RSRC1: variants seen among roughly 807,000 people sequenced by gnomAD.
RSRC1 encodes serine/Arginine-related protein 53.
Under a neutral mutation model 49.1 loss-of-function variants are expected in RSRC1, and 39 were observed. That is an observed-to-expected ratio of 0.79 (90% CI 0.61 to 1.04). RSRC1 has a LOEUF of 1.04. RSRC1 is among the 50% of genes least tolerant of loss of function. The pLI is 0.00. For missense variants in RSRC1, 388 were observed against 402.4 expected (o/e 0.96, Z 0.31); for synonymous variants, 143 against 130.8 (o/e 1.09, Z -0.63).
intron 3 of RSRC1, among the ~76,000 whole-genome samples, chr3:158,160,051 A>G (rs1196874682): frequency 6.6e-6 from 1 of 152,142 alleles, no homozygotes; most frequent in Non-Finnish European, 1.5e-5. Flanking sequence ...CTCACACTAC[A>G]TTTGATGGGG....
At position 158,482,373 on chromosome 3, in the gene RSRC1, T is replaced by A. The variant is rs185904950; in HGVS notation, c.652+21370T>A. The stretch of plus-strand genomic sequence containing the variant: ...ATCTCTTTTGCCTGCGTAACATAAA[T>A]CTTAATCCAGCAAATATTCTTCAAC... On this transcript the variant is annotated intron_variant, in intron 7 of 9. Transcript: ENST00000611884. Among the ~76,000 whole-genome samples the A allele has an allele frequency of 5.2e-3, 787 of 152,212 alleles. 4 individuals are homozygous for A. Among genetic ancestry groups the A allele is most frequent in the Non-Finnish European group, 6.3e-3 (428 of 67,956 alleles).
At chr3:158,151,548 T>C (rs1333294222) in intron 3 of RSRC1, among the ~76,000 whole-genome samples, 1 of 152,174 alleles carries the variant, frequency 6.6e-6, no homozygotes, top group Non-Finnish European at 1.5e-5. Context: ...TTTTCCCAGA[T>C]ATGTTCAGCT....
intron 5 of RSRC1, among the ~76,000 whole-genome samples, chr3:158,316,420 T>C (rs1578326563): frequency 6.8e-6 from 1 of 146,866 alleles, no homozygotes; most frequent in East Asian, 2.1e-4. Context: ...TTCTAATCAG[T>C]CCACTGCAGA....
intron 7 of RSRC1, among the ~76,000 whole-genome samples, chr3:158,503,932 G>A (rs947836268): frequency 6.6e-6 from 1 of 152,140 alleles, no homozygotes. Flanking sequence ...AGTTCAGCTG[G>A]AAATTTCCTT....
chr3:158,177,598 A>G (rs2108247045), intron 3 of RSRC1, among the ~76,000 whole-genome samples: 1 of 151,038 alleles, frequency 6.6e-6, no homozygotes, highest in Admixed American at 6.6e-5. Context: ...CAATGAGAAC[A>G]CTTGGACACG....
chr3:158,404,603 A>G (rs901273159), intron 6 of RSRC1, among the ~76,000 whole-genome samples: 4 of 151,912 alleles, frequency 2.6e-5, no homozygotes, highest in Non-Finnish European at 5.9e-5. Flanking sequence ...ATTTACTGTA[A>G]TTAGTTTTCA....
At chr3:158,343,463 A>G (rs191706316) in intron 5 of RSRC1, among the ~76,000 whole-genome samples, 1 of 152,314 alleles carries the variant, frequency 6.6e-6, no homozygotes, top group Non-Finnish European at 1.5e-5. Context: ...GCAAGAAAAT[A>G]CACCGTATGT....
In RSRC1 at chr3:158,540,159, T is replaced by C. The variant is rs371734775; in HGVS notation, c.759+2961T>C. On this transcript the variant is annotated intron_variant, in intron 8 of 9. Coordinates refer to ENST00000611884, the MANE Select transcript of RSRC1 (RefSeq NM_001271838.2). ...AGAATATTGGGCTTTTTAAATGTTC[T>C]CAGTTGTGTAAAGGGTCAGTATAAT... 2.6e-5 allele frequency among the ~76,000 whole-genome samples: 4 copies of C among 152,236 alleles called. No individual in the cohort carries two copies. The South Asian group carries it at 8.3e-4, about 32-fold the overall frequency.
chr3:158,214,482 TA>T (rs1721849093), intron 4 of RSRC1, among the ~76,000 whole-genome samples: 1 of 151,780 alleles, frequency 6.6e-6, no homozygotes, highest in Non-Finnish European at 1.5e-5. Context: ...AGTTTATTTG[TA>T]CATGTTTTTC....
chr3:158,524,545 A>T (rs1711891061), intron 7 of RSRC1, among the ~76,000 whole-genome samples: 1 of 151,994 alleles, frequency 6.6e-6, no homozygotes, highest in Non-Finnish European at 1.5e-5. Flanking sequence ...GATTCTTTTC[A>T]AACTGATGTC....
chr3:158,380,644 A>G (rs544046312), intron 6 of RSRC1, among the ~76,000 whole-genome samples: 2 of 152,132 alleles, frequency 1.3e-5, no homozygotes, highest in South Asian at 2.1e-4. Context: ...TATATTTTAT[A>G]TGAGTTTGGT....
intron 5 of RSRC1, among the ~76,000 whole-genome samples, chr3:158,306,990 T>C (rs915245064): frequency 1.3e-5 from 2 of 151,338 alleles, no homozygotes; most frequent in African/African-American, 4.8e-5. Flanking sequence ...CAAAGTTATT[T>C]TTTTTTTAAT....
chr3:158,218,100 A>G (rs950488661), intron 4 of RSRC1, among the ~76,000 whole-genome samples: 8 of 151,678 alleles, frequency 5.3e-5, no homozygotes, highest in Non-Finnish European at 1.2e-4. Context: ...GGCCGGAGAA[A>G]CAGATAGGGG....
chr3:158,450,573 C>G (rs1239438266), intron 6 of RSRC1, among the ~76,000 whole-genome samples: 1 of 151,814 alleles, frequency 6.6e-6, no homozygotes, highest in Non-Finnish European at 1.5e-5. Flanking sequence ...GATTTCACTT[C>G]TGTGCTGTGC....
intron 6 of RSRC1, among the ~76,000 whole-genome samples, chr3:158,407,198 A>G (rs1734198603): frequency 1.3e-5 from 2 of 152,186 alleles, no homozygotes; most frequent in Non-Finnish European, 2.9e-5. Context: ...TCCTGTTGTC[A>G]AAATAAGAAT....
At chr3:158,128,911 C>T (rs998699786) in intron 3 of RSRC1, among the ~76,000 whole-genome samples, 1 of 152,154 alleles carries the variant, frequency 6.6e-6, no homozygotes, top group Non-Finnish European at 1.5e-5. Flanking sequence ...GTGAGCTATG[C>T]ATTTTTGGCA....
chr3:158,414,566 T>A (rs1477893734), intron 6 of RSRC1, among the ~76,000 whole-genome samples: 1 of 151,982 alleles, frequency 6.6e-6, no homozygotes, highest in African/African-American at 2.4e-5. Context: ...TAAATTATTA[T>A]TTTTTTAAAG....
intron 7 of RSRC1, among the ~76,000 whole-genome samples, chr3:158,470,167 CA>C (rs1482835498): frequency 6.6e-6 from 1 of 151,746 alleles, no homozygotes; most frequent in Non-Finnish European, 1.5e-5. Context: ...ATTTTATCCC[CA>C]AAAAAGTTGT....
chr3:158,492,930 G>A (rs1232168777), intron 7 of RSRC1, among the ~76,000 whole-genome samples: 1 of 152,164 alleles, frequency 6.6e-6, no homozygotes, highest in Non-Finnish European at 1.5e-5. Context: ...AGATTAAGGG[G>A]AGAAATGTGT....
Sources: allele counts gnomAD v4.1 joint callset (sites outside exome capture counted in the v4.1 genomes callset), GRCh38; gene constraint gnomAD v4.1.1; transcripts MANE v1.5; gene names NCBI Gene and HGNC (gene_info 2026-07-23, HGNC 2026-07-21).